GPR137B: variants seen among roughly 807,000 people sequenced by gnomAD.
The protein encoded by GPR137B is integral membrane protein GPR137B.
GPR137B carries 42 observed loss-of-function variants against 42.5 expected under a neutral mutation model. The ratio of observed to expected loss-of-function variants is 0.99; its 90% CI spans 0.77 to 1.28. The LOEUF (loss-of-function observed/expected upper bound fraction) is 1.28. Ranked by LOEUF, GPR137B falls within the 50% of genes most tolerant of loss-of-function variation. The probability of loss-of-function intolerance (pLI) is 0.00; values close to 1 mark genes in which losing one functional copy is unlikely to be tolerated. For synonymous variants in GPR137B, 218 were observed against 209.7 expected, an observed-to-expected ratio of 1.04 and a Z score of -0.34; for missense variants, 487 against 493.9, an observed-to-expected ratio of 0.99 and a Z score of 0.13.
intron 5 of GPR137B, among the ~76,000 whole-genome samples, chr1:236,201,717 T>C (rs1186976748): frequency 6.6e-6 from 1 of 152,110 alleles, no homozygotes. Context: ...GGTATCTCTT[T>C]GAGTAGCTTA....
intron 1 of GPR137B, among the ~76,000 whole-genome samples, chr1:236,149,514 C>T (rs752916270): frequency 1.7e-4 from 26 of 152,156 alleles, no homozygotes; most frequent in Non-Finnish European, 2.8e-4. Context: ...ACTAGTCCTC[C>T]GTGCTCACCA....
At chr1:236,201,854 T>G (rs879903274) in intron 5 of GPR137B, among the ~76,000 whole-genome samples, 1 of 152,040 alleles carries the variant, frequency 6.6e-6, no homozygotes, top group Non-Finnish European at 1.5e-5. Context: ...GAACTGCTTT[T>G]CTGATTCCTT....
intron 1 of GPR137B, among the ~76,000 whole-genome samples, chr1:236,154,505 T>C (rs1422644549): frequency 6.6e-6 from 1 of 151,704 alleles, no homozygotes; most frequent in East Asian, 1.9e-4. Flanking sequence ...GCTGGGACAG[T>C]GTCAGGAGCA....
At chr1:236,183,029 A>G (rs12069400) in intron 4 of GPR137B, among the ~76,000 whole-genome samples, 2,026 of 152,252 alleles carry the variant, frequency 0.013, 53 homozygotes, top group African/African-American at 0.047. Flanking sequence ...TGTTATAGAG[A>G]AGGCAAAAGG....
intron 1 of GPR137B, among the ~76,000 whole-genome samples, chr1:236,161,521 C>T (rs55752847): frequency 2.2e-4 from 20 of 91,466 alleles, no homozygotes; most frequent in East Asian, 1.2e-3. Flanking sequence ...CACCTTCTCA[C>T]GCCTCCCACA....
At position 236,155,329 on chromosome 1, in the gene GPR137B, C is replaced by T. The variant is rs968486259; in HGVS notation, c.414+12293C>T. 6.6e-6 allele frequency among the ~76,000 whole-genome samples: 1 copy of T among 152,204 alleles called. No individual in the cohort carries two copies. The highest frequency in any genetic ancestry group is 1.5e-5 in the Non-Finnish European group (1 of 68,038). Reference sequence around the variant, plus strand: ...TGAATATTTGTCCTAATGCTTTCACCTCGCAGATAGACACTGAGGCCTAGA... The same window carrying T: ...TGAATATTTGTCCTAATGCTTTCACTTCGCAGATAGACACTGAGGCCTAGA... On this transcript the variant is annotated intron_variant, in intron 1 of 6. Coordinates refer to ENST00000366592, the MANE Select transcript of GPR137B (RefSeq NM_003272.4). The surrounding 1 kb of genome is among the most constrained non-coding windows in gnomAD (Gnocchi z 4.6).
At chr1:236,152,448 C>T (rs1007031678) in intron 1 of GPR137B, among the ~76,000 whole-genome samples, 3 of 151,520 alleles carry the variant, frequency 2.0e-5, no homozygotes, top group East Asian at 2.0e-4. Context: ...GGTGATAGAG[C>T]GAGACCTGTC....
At chr1:236,158,982 CTG>C (rs1331150668) in intron 1 of GPR137B, among the ~76,000 whole-genome samples, 1 of 152,166 alleles carries the variant, frequency 6.6e-6, no homozygotes, top group African/African-American at 2.4e-5. Flanking sequence ...ACAGGAGACA[CTG>C]TCATACCCAC....
At position 236,142,551 on chromosome 1, in the gene GPR137B, C is replaced by T; in HGVS notation, c.-72C>T. 3 of 797,472 alleles carry T rather than the reference C, an allele frequency of 3.8e-6. No homozygotes were observed. The highest frequency in any genetic ancestry group is 5.1e-6 in the Non-Finnish European group (3 of 585,168). The allele number at this position is 797,472 out of a possible 1,614,324, so 49.4% of individuals were successfully genotyped here. ...GGAAGTGCGGCTTGTTTTCTTTCCT[C>T]CAGTCTCGGGGCTGCAGGCTGAGCG... is the stretch of plus-strand genomic sequence containing the variant. On this transcript the variant is annotated 5_prime_UTR_variant, in exon 1 of 7. Transcript: ENST00000366592.
intron 5 of GPR137B, among the ~76,000 whole-genome samples, chr1:236,202,995 GA>G (rs1663540115): frequency 6.6e-6 from 1 of 152,142 alleles, no homozygotes; most frequent in South Asian, 2.1e-4. Flanking sequence ...GCAGTTTGTT[GA>G]AAATGAGTTC....
At position 236,168,458 on chromosome 1, in the gene GPR137B, A is replaced by G. The variant is rs1662430480; in HGVS notation, c.415-248A>G. 2.0e-5 allele frequency among the ~76,000 whole-genome samples: 3 copies of G among 151,822 alleles called. No individual in the cohort carries two copies. In the South Asian group the frequency reaches 6.2e-4, roughly 32 times the overall value. On this transcript the variant is annotated intron_variant, in intron 1 of 6. Transcript: ENST00000366592. ...AAAAAAAAAGAATCTGAACAGAAGTACTTGGCCATGGTAGACTAGTAATAC... is the reference window on the plus strand; with the variant it reads ...AAAAAAAAAGAATCTGAACAGAAGTGCTTGGCCATGGTAGACTAGTAATAC...
At chr1:236,193,688 C>T (rs984866103) in intron 5 of GPR137B, among the ~76,000 whole-genome samples, 1 of 152,114 alleles carries the variant, frequency 6.6e-6, no homozygotes, top group Admixed American at 6.6e-5. Context: ...AATGTCTGTT[C>T]ACATCCTTTG....
In GPR137B at chr1:236,142,591, C is replaced by A. The variant is rs1661550910; in HGVS notation, c.-32C>A. 3 of 1,265,282 alleles carry A rather than the reference C, an allele frequency of 2.4e-6. No homozygotes were observed. In the African/African-American group the frequency reaches 4.7e-5, roughly 20 times the overall value. 78.4% of individuals were successfully genotyped at this position (1,265,282 alleles called of 1,614,324 possible). A position where few individuals can be genotyped will look rare whatever the true frequency, so the allele number is the denominator to read the frequency against. On this transcript the variant is annotated 5_prime_UTR_variant, in exon 1 of 7. Coordinates refer to ENST00000366592, the MANE Select transcript of GPR137B (RefSeq NM_003272.4). ...CAGGCTGAGCGCGATGCGCGGAGAC[C>A]CCCGCGGGGGCGGCGGCGGCCGTGA...
intron 5 of GPR137B, among the ~76,000 whole-genome samples, chr1:236,202,800 C>T (rs1366601531): frequency 1.3e-5 from 2 of 152,288 alleles, no homozygotes; most frequent in East Asian, 3.9e-4. Context: ...CATGTCTTGG[C>T]GATATTCCCC....
intron 5 of GPR137B, among the ~76,000 whole-genome samples, chr1:236,192,002 C>CT (rs1663204045): frequency 6.6e-6 from 1 of 152,188 alleles, no homozygotes; most frequent in African/African-American, 2.4e-5. Context: ...GGGCTGCTGC[C>CT]TTTTTTTCAG....
At chr1:236,143,256 G>T (rs943476994) in intron 1 of GPR137B, among the ~76,000 whole-genome samples, 1 of 152,268 alleles carries the variant, frequency 6.6e-6, no homozygotes, top group African/African-American at 2.4e-5. Flanking sequence ...GGAGAAGGCA[G>T]GGGAGGGCTG....
In GPR137B at chr1:236,208,359, T is replaced by C; in HGVS notation, c.*201T>C. ...TAGTACTAAAGAGGGAGCCTTGCTA[T>C]TTCAGTGGGTATAATTTAAACTTTT... On this transcript the variant is annotated 3_prime_UTR_variant, in exon 7 of 7. Coordinates refer to ENST00000366592, the MANE Select transcript of GPR137B (RefSeq NM_003272.4). The C allele has an allele frequency of 8.1e-7, 1 of 1,235,106 alleles. No individual in the cohort carries two copies. The highest frequency in any genetic ancestry group is 1.0e-6 in the Non-Finnish European group (1 of 966,612). The allele number at this position is 1,235,106 out of a possible 1,614,324, so 76.5% of individuals were successfully genotyped here. A position where few individuals can be genotyped will look rare whatever the true frequency, so the allele number is the denominator to read the frequency against.
At chr1:236,148,210 C>T (rs1336191650) in intron 1 of GPR137B, among the ~76,000 whole-genome samples, 3 of 152,214 alleles carry the variant, frequency 2.0e-5, no homozygotes, top group Non-Finnish European at 2.9e-5. Context: ...ATTATGGTGC[C>T]TTCTACCTCC....
At chr1:236,153,055 C>CG (rs200254397) in intron 1 of GPR137B, among the ~76,000 whole-genome samples, 74 of 144,390 alleles carry the variant, frequency 5.1e-4, no homozygotes, top group East Asian at 3.9e-3. Flanking sequence ...TACTCCATCT[C>CG]GGGGAAAAAA....
Sources: allele counts gnomAD v4.1 joint callset (sites outside exome capture counted in the v4.1 genomes callset), GRCh38; gene constraint gnomAD v4.1.1; non-coding constraint Gnocchi (gnomAD v3.1); transcripts MANE v1.5; gene names NCBI Gene and HGNC (gene_info 2026-07-23, HGNC 2026-07-21).